Variants in RIF1 observed in about 807,000 individuals in gnomAD.
RIF1 encodes the protein telomere-associated protein RIF1.
In RIF1, 45 loss-of-function variants were observed where a neutral mutation model predicts 247.1. The observed-to-expected ratio is 0.18, with a 90% confidence interval of 0.14 to 0.23. The LOEUF (loss-of-function observed/expected upper bound fraction) is 0.23, where lower values mean the gene tolerates loss of function less well. RIF1 is among the 10% of genes least tolerant of loss of function. The pLI is 1.00. For missense variants in RIF1, 2,967 were observed against 2,862.5 expected (o/e 1.04, Z -0.83); for synonymous variants, 1,087 against 978.8 (o/e 1.11, Z -2.06).
At chr2:151,506,125 G>C in intron 12 of RIF1, 1 of 1,495,576 alleles carries the variant, frequency 6.7e-7, no homozygotes, top group Non-Finnish European at 9.3e-7. Context: ...ATTATCAAAG[G>C]GAGGCAGAAA....
chr2:151,485,702 C>T (rs2152610080), downstream of RIF1: 5 of 1,522,610 alleles, frequency 3.3e-6, no homozygotes, highest in East Asian at 2.3e-5. Flanking sequence ...GAGTCTAAAC[C>T]GAAACATTGA....
Position 151,440,065 on chromosome 2 carries a change from C to T in RIF1, c.1585C>T (p.Leu529Phe), listed in dbSNP as rs1479424914. 6 of 1,584,686 alleles carry T rather than the reference C, an allele frequency of 3.8e-6. No homozygotes were observed. Among genetic ancestry groups the T allele is most frequent in the African/African-American group, 2.7e-5 (2 of 73,590 alleles). Reference sequence around the variant, plus strand: ...GAAACCAGGTTCTGAAGTTTTGACTCTCTTATTAAAGTCTTTGGAAAGCAT... The same window carrying T: ...GAAACCAGGTTCTGAAGTTTTGACTTTCTTATTAAAGTCTTTGGAAAGCAT... Reference protein sequence around the residue: ...KEKPGSEVLTLLLKSLESIVK... With the variant: ...KEKPGSEVLTFLLKSLESIVK... The change falls in exon 15 of 36, where the codon CTC (leucine) becomes TTC (phenylalanine). Residue 529 changes from leucine to phenylalanine, a missense_variant. Physicochemically the swap from Leu to Phe is conservative, Grantham distance 22 (BLOSUM62 0). Around this residue, in one of 7 missense-constraint regions of RIF1, gnomAD observed 369 missense variants for 322.0 expected, o/e 1.15. Coordinates refer to ENST00000444746, the MANE Select transcript of RIF1 (RefSeq NM_018151.5).
rs1168970123 is a variant in RIF1 at position 151,464,203 on chromosome 2, A to G, written c.4683A>G (p.Glu1561=). The G allele has an allele frequency of 1.2e-6, 2 of 1,612,310 alleles. No individual in the cohort carries two copies. Among genetic ancestry groups the G allele is most frequent in the East Asian group, 2.2e-5 (1 of 44,882 alleles). The stretch of plus-strand genomic sequence containing the variant: ...AATCTGATAGTTCGGAGGCAAAAGA[A>G]GAAGGTTCTAGGAAGAAGAGATCTG... ...NSESDSSEAK[E]EGSRKKRSGK... Residue 1561 remains glutamate (E), a synonymous_variant, in exon 30 of 36, where the codon GAA becomes GAG. Coordinates refer to ENST00000444746, the MANE Select transcript of RIF1 (RefSeq NM_018151.5).
downstream of RIF1, chr2:151,512,876 A>G (rs1372540501): frequency 7.2e-7 from 1 of 1,393,066 alleles, no homozygotes; most frequent in Non-Finnish European, 1.0e-6. Flanking sequence ...AATGTTTGCA[A>G]TGTGCACAAC....
intron 11 of RIF1, 108 bp downstream of exon 11, chr2:151,435,688 G>T: frequency 1.6e-5 from 9 of 578,262 alleles, no homozygotes; most frequent in East Asian, 2.9e-5. Flanking sequence ...TTTGCTCAGT[G>T]TTTTTCGTTT....
At chr2:151,503,052 C>T (rs2065935058) in exon 12 of RIF1, 1 of 591,330 alleles carries the variant, frequency 1.7e-6, no homozygotes, top group Non-Finnish European at 2.9e-6. Context: ...ATGAACTCTA[C>T]AATGCTAATT....
intron 4 of RIF1, among the ~76,000 whole-genome samples, chr2:151,415,383 A>C (rs1388848186): frequency 1.3e-5 from 2 of 151,336 alleles, no homozygotes; most frequent in East Asian, 3.9e-4. Flanking sequence ...CATTACCTAC[A>C]CATAGCTCTA....
downstream of RIF1, chr2:151,508,171 C>A: frequency 9.1e-7 from 1 of 1,103,774 alleles, no homozygotes; most frequent in Non-Finnish European, 1.3e-6. Context: ...CCAATGGGAC[C>A]TAAAATAGGC....
intron 15 of RIF1, among the ~76,000 whole-genome samples, chr2:151,440,425 CCTT>C (rs1404169199): frequency 6.6e-6 from 1 of 152,038 alleles, no homozygotes; most frequent in African/African-American, 2.4e-5. Flanking sequence ...ACTCAGATGT[CCTT>C]TAATTTTATG....
At chr2:151,421,155 G>A (rs1431721084) in intron 7 of RIF1, among the ~76,000 whole-genome samples, 2 of 152,194 alleles carry the variant, frequency 1.3e-5, no homozygotes, top group African/African-American at 4.8e-5. Context: ...CAGGCGCTGT[G>A]AATATAGCAG....
chr2:151,485,924 G>A (rs542706227), downstream of RIF1: 75 of 1,613,688 alleles, frequency 4.6e-5, no homozygotes, highest in South Asian at 6.6e-5. Flanking sequence ...TACATGGCAC[G>A]GAAGATTTTC....
intron 34 of RIF1, among the ~76,000 whole-genome samples, chr2:151,470,954 C>T (rs1301007795): frequency 6.6e-6 from 1 of 152,094 alleles, no homozygotes; most frequent in East Asian, 1.9e-4. Context: ...AATTCACCTA[C>T]CCTATGGGTG....
intron 10 of RIF1, chr2:151,497,847 A>G (rs2061337288): frequency 6.6e-7 from 1 of 1,518,570 alleles, no homozygotes; most frequent in Non-Finnish European, 8.8e-7. Flanking sequence ...AATGCCACCG[A>G]CTACTTTAGT....
At position 151,463,306 on chromosome 2, in the gene RIF1, A is replaced by T; in HGVS notation, c.3786A>T (p.Leu1262=). The T allele has an allele frequency of 1.2e-6, 2 of 1,613,166 alleles. No individual in the cohort carries two copies. The highest frequency in any genetic ancestry group is 1.7e-6 in the Non-Finnish European group (2 of 1,179,786). Reference sequence around the variant, plus strand: ...AAACCATGATTAAAACAGATTTTCTACCAAAAGCAAAGCAAAGAGAAGGGA... The same window carrying T: ...AAACCATGATTAAAACAGATTTTCTTCCAAAAGCAAAGCAAAGAGAAGGGA... ...NQETMIKTDF[L]PKAKQREGTF... The change falls in exon 30 of 36, where the codon CTA becomes CTT. Residue 1262 remains leucine (L), a synonymous_variant. Transcript: ENST00000444746.
At position 151,464,986 on chromosome 2, in the gene RIF1, T is replaced by C. The variant is rs1002035385; in HGVS notation, c.5466T>C (p.Thr1822=). The C allele has an allele frequency of 1.9e-6, 3 of 1,576,596 alleles. No homozygotes were observed. In the African/African-American group the frequency reaches 4.1e-5, roughly 22 times the overall value. ...CTGAAACCAAATCAAAAGAAAACAC[T>C]ATGCAAGAATCTCTTCCTTCTGGAA... ...IVSETKSKEN[T]MQESLPSGIV... The change falls in exon 30 of 36, where the codon ACT becomes ACC. Residue 1822 remains threonine (T), a synonymous_variant. Transcript: ENST00000444746.
At chr2:151,447,685 A>C (rs1186169212) in intron 20 of RIF1, among the ~76,000 whole-genome samples, 2 of 152,192 alleles carry the variant, frequency 1.3e-5, no homozygotes, top group South Asian at 4.1e-4. Flanking sequence ...TGCTGGGACT[A>C]CAGTTGCACA....
At chr2:151,447,029 C>T (rs1367263549) in intron 20 of RIF1, among the ~76,000 whole-genome samples, 11 of 151,198 alleles carry the variant, frequency 7.3e-5, no homozygotes, top group African/African-American at 2.4e-4. Context: ...CTGCAAGCTC[C>T]GCCTCCCGGG....
chr2:151,494,032 G>A (rs1366050788), intron 9 of RIF1: 2 of 919,800 alleles, frequency 2.2e-6, no homozygotes, highest in African/African-American at 3.3e-5. Context: ...AATGTAGTGT[G>A]ATATTTAGAG....
intron 17 of RIF1, 30 bp from the exon 18 acceptor site, chr2:151,443,499 T>C: frequency 6.6e-7 from 1 of 1,522,054 alleles, no homozygotes; most frequent in Non-Finnish European, 8.8e-7. Context: ...TGCCAAAAAG[T>C]TGATGCATTT....
Sources: gnomAD v4.1 joint callset for allele counts (sites outside exome capture counted in the v4.1 genomes callset) on GRCh38, gnomAD v4.1.1 for gene constraint, gnomAD v4.1.1 regional missense constraint, MANE v1.5 for transcripts, NCBI Gene and HGNC (gene_info 2026-07-23, HGNC 2026-07-21) for gene names.